The following TRDMT1 variants were observed in gnomAD, a reference collection of about 807,000 sequenced individuals.
TRDMT1 encodes the protein tRNA (cytosine(38)-C(5))-methyltransferase.
TRDMT1 carries 49 observed loss-of-function variants against 51.2 expected under a neutral mutation model. That is an observed-to-expected ratio of 0.96 (90% CI 0.76 to 1.21). The LOEUF (loss-of-function observed/expected upper bound fraction) is 1.21. Among genes scored for constraint, TRDMT1 ranks in the 50% most tolerant of loss-of-function variants. The probability of loss-of-function intolerance (pLI) is 0.00; values close to 1 mark genes in which losing one functional copy is unlikely to be tolerated. For synonymous variants in TRDMT1, 187 were observed against 164.6 expected, an observed-to-expected ratio of 1.14 and a Z score of -1.04; for missense variants, 534 against 462.3, an observed-to-expected ratio of 1.16 and a Z score of -1.42.
At chr10:17,157,202 C>T (rs1422201397) in intron 8 of TRDMT1, among the ~76,000 whole-genome samples, 4 of 152,100 alleles carry the variant, frequency 2.6e-5, no homozygotes, top group Admixed American at 1.3e-4. Context: ...ATGAAGGTCA[C>T]CAAACAAATG....
rs1410375279 is a variant in TRDMT1, at chr10:17,139,844, A to G, written c.*9196T>C. On this transcript the variant is annotated 3_prime_UTR_variant, in exon 11 of 11. Transcript: ENST00000377799. The stretch of plus-strand genomic sequence containing the variant: ...CACTTCTGTCTTTTTCAATGCCGTT[A>G]TTCTAAGATCTATAAAAAACAACAC... Among the ~76,000 whole-genome samples, 1 of 152,100 alleles carries G rather than the reference A, an allele frequency of 6.6e-6. No individual in the cohort carries two copies. Among genetic ancestry groups the G allele is most frequent in the Non-Finnish European group, 1.5e-5 (1 of 68,022 alleles).
chr10:17,146,167 A>T lies in TRDMT1; in HGVS notation c.*2873T>A. On this transcript the variant is annotated 3_prime_UTR_variant, in exon 11 of 11. Transcript: ENST00000377799. ...GTTGGATAATTTCAAGCAACAGTTT[A>T]CCCTCAAATTTCTAAAAAAGTGCTG... 1 of 985,416 alleles carries T rather than the reference A, an allele frequency of 1.0e-6. No individual in the cohort carries two copies. The allele number at this position is 985,416 out of a possible 1,614,324, so 61.0% of individuals were successfully genotyped here.
In TRDMT1 at chr10:17,147,639, T is replaced by C. The variant is rs1196358648; in HGVS notation, c.*1401A>G. 1 of 153,774 alleles carries C rather than the reference T, an allele frequency of 6.5e-6. No homozygotes were observed. Among genetic ancestry groups the C allele is most frequent in the African/African-American group, 2.4e-5 (1 of 41,466 alleles). The allele number at this position is 153,774 out of a possible 1,614,324, so 9.5% of individuals were successfully genotyped here. ...ATCCATGTCACCGCATATGTCAGAA[T>C]TTCCTTCCTGCGGAAGGCTGGTACT... On this transcript the variant is annotated 3_prime_UTR_variant, in exon 11 of 11. Coordinates refer to ENST00000377799, the MANE Select transcript of TRDMT1 (RefSeq NM_004412.7).
At chr10:17,194,577 A>C (rs1845123560) in intron 1 of TRDMT1, among the ~76,000 whole-genome samples, 1 of 152,180 alleles carries the variant, frequency 6.6e-6, no homozygotes, top group East Asian at 1.9e-4. Context: ...AATCTTCAAG[A>C]AATGCAAATC....
At chr10:17,181,449 T>A (rs551111913) in intron 1 of TRDMT1, among the ~76,000 whole-genome samples, 2 of 152,282 alleles carry the variant, frequency 1.3e-5, no homozygotes, top group Admixed American at 1.3e-4. Flanking sequence ...CACCCAGGCA[T>A]TGCAGTAATT....
intron 1 of TRDMT1, 92 bp downstream of exon 1, chr10:17,201,479 C>CACAGTGTCCGCCCA: frequency 7.3e-7 from 1 of 1,372,852 alleles, no homozygotes; most frequent in South Asian, 1.3e-5. Flanking sequence ...GTGTCCGCCC[C>CACAGTGTCCGCCCA]TTGCGTCTCG....
chr10:17,190,562 A>G (rs1178860949), intron 1 of TRDMT1, among the ~76,000 whole-genome samples: 1 of 152,196 alleles, frequency 6.6e-6, no homozygotes, highest in Non-Finnish European at 1.5e-5. Flanking sequence ...ACAATATTTA[A>G]AATGTTTTAA....
chr10:17,201,524 C>A (rs368612744), intron 1 of TRDMT1, 47 bp downstream of exon 1: 1 of 1,529,964 alleles, frequency 6.5e-7, no homozygotes, highest in Non-Finnish European at 8.8e-7. Context: ...GTGCTCCAAC[C>A]AGCCCCCGTG....
At position 17,141,503 on chromosome 10, in the gene TRDMT1, C is replaced by A. The variant is rs1470154125; in HGVS notation, c.*7537G>T. On this transcript the variant is annotated 3_prime_UTR_variant, in exon 11 of 11. Coordinates refer to ENST00000377799, the MANE Select transcript of TRDMT1 (RefSeq NM_004412.7). ...TTTGCCAAATTTGGGATGTTTCCAG[C>A]CATTATTTAAATGCTCTTTCAGCTC... 9.4e-6 allele frequency among the ~76,000 whole-genome samples: 1 copy of A among 106,194 alleles called. No individual in the cohort carries two copies. The highest frequency in any genetic ancestry group is 2.4e-5 in the Non-Finnish European group (1 of 41,286). The allele number at this position is 106,194 out of a possible 152,430, so 69.7% of individuals were successfully genotyped here. A position where few individuals can be genotyped will look rare whatever the true frequency, so the allele number is the denominator to read the frequency against.
At chr10:17,160,450 G>C (rs1564573778) in intron 5 of TRDMT1, 76 bp from the exon 6 acceptor site, 2 of 1,013,580 alleles carry the variant, frequency 2.0e-6, no homozygotes, top group Non-Finnish European at 2.8e-6. Flanking sequence ...ACAAAAGCTG[G>C]GTTTCTTTTG....
chr10:17,197,290 G>A (rs976455599), intron 1 of TRDMT1, among the ~76,000 whole-genome samples: 40 of 152,130 alleles, frequency 2.6e-4, no homozygotes, highest in African/African-American at 9.7e-4. Flanking sequence ...TAGAAAGAGT[G>A]TGGTACTGTG....
At position 17,148,670 on chromosome 10, in the gene TRDMT1, T is replaced by C; in HGVS notation, c.*370A>G. 1.4e-6 allele frequency: 1 copy of C among 707,736 alleles called. No homozygotes were observed. Among genetic ancestry groups the C allele is most frequent in the East Asian group, 1.2e-4 (1 of 8,132 alleles). 43.8% of individuals were successfully genotyped at this position (707,736 alleles called of 1,614,324 possible). A position where few individuals can be genotyped will look rare whatever the true frequency, so the allele number is the denominator to read the frequency against. ...TAAAATTAGAAATAAAAAACTTCTT[T>C]AATTAACATAAAAATATGTTATGCC... On this transcript the variant is annotated 3_prime_UTR_variant, in exon 11 of 11. Coordinates refer to ENST00000377799, the MANE Select transcript of TRDMT1 (RefSeq NM_004412.7).
In TRDMT1 at chr10:17,148,452, T is replaced by A; in HGVS notation, c.*588A>T. 3 of 985,446 alleles carry A rather than the reference T, an allele frequency of 3.0e-6. No individual in the cohort carries two copies. The South Asian group carries it at 1.4e-4, about 46-fold the overall frequency. 61.0% of individuals were successfully genotyped at this position (985,446 alleles called of 1,614,324 possible). ...AGATAATGTGCACCAACAGTTTCTG[T>A]GGCCGCTTCATGGAGAGGTAATCAA... On this transcript the variant is annotated 3_prime_UTR_variant, in exon 11 of 11. Transcript: ENST00000377799.
At chr10:17,181,507 A>C (rs1464178136) in intron 1 of TRDMT1, among the ~76,000 whole-genome samples, 3 of 152,214 alleles carry the variant, frequency 2.0e-5, no homozygotes, top group Non-Finnish European at 4.4e-5. Context: ...AATACATACA[A>C]GAGAATAAGT....
At chr10:17,152,820 T>C (rs1838933677) in intron 10 of TRDMT1, 1 of 152,532 alleles carries the variant, frequency 6.6e-6, no homozygotes, top group African/African-American at 2.4e-5. Flanking sequence ...ATTAGGCCTT[T>C]GACTTTCTCA....
Position 17,157,758 on chromosome 10 carries a change from T to A in TRDMT1, c.570A>T (p.Glu190Asp), listed in dbSNP as rs1384778357. 6.3e-7 allele frequency: 1 copy of A among 1,599,146 alleles called. No homozygotes were observed. The highest frequency in any genetic ancestry group is 8.5e-7 in the Non-Finnish European group (1 of 1,173,826). The change falls in exon 8 of 11, where the codon GAA becomes GAT. Residue 190 changes from glutamate (E) to aspartate (D), a missense_variant. Glu to Asp is a conservative substitution (Grantham distance 45, BLOSUM62 2). Coordinates refer to ENST00000377799, the MANE Select transcript of TRDMT1 (RefSeq NM_004412.7). The part of the protein sequence containing the change: ...GQVLMEFPKI[E>D]SVHPQKYAMD... ...TTGCATATTTTTGTGGATGTACAGA[T>A]TCAATTTTGGGGAACTCCATCAGTA... is the stretch of plus-strand genomic sequence containing the variant.
chr10:17,158,239 T>C (rs544858114), intron 7 of TRDMT1, among the ~76,000 whole-genome samples: 2 of 152,126 alleles, frequency 1.3e-5, no homozygotes, highest in Non-Finnish European at 2.9e-5. Context: ...AAAAGCGGTT[T>C]TCACTGTGAA....
At position 17,145,990 on chromosome 10, in the gene TRDMT1, G is replaced by T. The variant is rs1838073632; in HGVS notation, c.*3050C>A. On this transcript the variant is annotated 3_prime_UTR_variant, in exon 11 of 11. Transcript: ENST00000377799. Reference sequence around the variant, plus strand: ...AGATGGGAGCAAAAACCCAGATGGTGATTTCTGCTGAGAACTTCCACCCCT... The same window carrying T: ...AGATGGGAGCAAAAACCCAGATGGTTATTTCTGCTGAGAACTTCCACCCCT... The T allele has an allele frequency of 2.0e-6, 2 of 985,348 alleles. No homozygotes were observed. The highest frequency in any genetic ancestry group is 4.7e-5 in the South Asian group (1 of 21,292). 61.0% of individuals were successfully genotyped at this position (985,348 alleles called of 1,614,324 possible). A position where few individuals can be genotyped will look rare whatever the true frequency, so the allele number is the denominator to read the frequency against.
At chr10:17,150,253 C>T (rs534552071) in intron 10 of TRDMT1, 2 of 306,022 alleles carry the variant, frequency 6.5e-6, no homozygotes, top group Admixed American at 6.5e-5. Flanking sequence ...TTTTAATGTG[C>T]TTATTGGCCA....
Sources: allele counts gnomAD v4.1 joint callset (sites outside exome capture counted in the v4.1 genomes callset), GRCh38; gene constraint gnomAD v4.1.1; transcripts MANE v1.5; gene names NCBI Gene and HGNC (gene_info 2026-07-23, HGNC 2026-07-21).